LUZP2: variants seen among roughly 807,000 people sequenced by gnomAD.
LUZP2 encodes the protein leucine zipper protein 2.
LUZP2 carries 52 observed loss-of-function variants against 51.6 expected under a neutral mutation model. That is an observed-to-expected ratio of 1.01 (90% CI 0.81 to 1.27). LUZP2 has a LOEUF of 1.27. Among genes scored for constraint, LUZP2 ranks in the 50% most tolerant of loss-of-function variants. LUZP2 has a pLI of 0.00. For synonymous variants in LUZP2, 154 were observed against 137.3 expected (o/e 1.12, Z -0.85); for missense variants, 436 against 395.4 (o/e 1.10, Z -0.87).
chr11:24,987,345 A>G (rs1856216349), intron 9 of LUZP2, among the ~76,000 whole-genome samples: 1 of 151,926 alleles, frequency 6.6e-6, no homozygotes. Context: ...AGTATAGCAG[A>G]ATCCTTACAA....
At chr11:24,744,825 C>G (rs983375796) in intron 4 of LUZP2, among the ~76,000 whole-genome samples, 84 of 152,142 alleles carry the variant, frequency 5.5e-4, no homozygotes, top group African/African-American at 1.9e-3. Flanking sequence ...CTCTTTCAGT[C>G]TTTCTGATGT....
Position 24,497,162 on chromosome 11 carries a change from G to A in LUZP2, c.-82G>A. On this transcript the variant is annotated 5_prime_UTR_variant, in exon 1 of 12. Coordinates refer to ENST00000336930, the MANE Select transcript of LUZP2 (RefSeq NM_001009909.4). The stretch of plus-strand genomic sequence containing the variant: ...GAGCGCTCATCACTGGCTGGGGACA[G>A]AGCCGGGCACCAAGGAGCGACAGGA... The A allele has an allele frequency of 7.6e-7, 1 of 1,315,046 alleles. No individual in the cohort carries two copies. The highest frequency in any genetic ancestry group is 1.0e-6 in the Non-Finnish European group (1 of 969,898). 81.5% of individuals were successfully genotyped at this position (1,315,046 alleles called of 1,614,324 possible).
intron 5 of LUZP2, among the ~76,000 whole-genome samples, chr11:24,875,565 G>A (rs1298864911): frequency 2.7e-5 from 4 of 146,638 alleles, no homozygotes; most frequent in African/African-American, 7.6e-5. Context: ...ATAAACATAC[G>A]TGTGCATGTG....
At chr11:24,793,703 A>T (rs977844643) in intron 5 of LUZP2, among the ~76,000 whole-genome samples, 3 of 152,074 alleles carry the variant, frequency 2.0e-5, no homozygotes, top group African/African-American at 7.2e-5. Flanking sequence ...CAAGAAATAT[A>T]AGACAGTCAA....
At chr11:24,917,219 G>C (rs112473322) in intron 7 of LUZP2, among the ~76,000 whole-genome samples, 2 of 152,108 alleles carry the variant, frequency 1.3e-5, no homozygotes, top group Admixed American at 1.3e-4. Flanking sequence ...GTTCTTTGTA[G>C]ATTCTGAATA....
chr11:24,750,668 T>C (rs1859545539), intron 4 of LUZP2, among the ~76,000 whole-genome samples: 1 of 152,258 alleles, frequency 6.6e-6, no homozygotes, highest in Non-Finnish European at 1.5e-5. Flanking sequence ...TTTGGCAACT[T>C]TTTTTATGAG....
chr11:25,041,951 A>G (rs1024673278), intron 9 of LUZP2, among the ~76,000 whole-genome samples: 11 of 152,310 alleles, frequency 7.2e-5, no homozygotes, highest in Admixed American at 2.6e-4. Context: ...TGTGCTCTTT[A>G]TGAAAATCTA....
intron 5 of LUZP2, among the ~76,000 whole-genome samples, chr11:24,833,710 G>GCACA (rs140351361): frequency 0.02 from 2,880 of 141,446 alleles, 59 homozygotes; most frequent in East Asian, 0.069. Flanking sequence ...CACCGCGCGC[G>GCACA]CGCACACACA....
chr11:24,751,667 C>A, intron 4 of LUZP2: 1 of 636,456 alleles, frequency 1.6e-6, no homozygotes, highest in Non-Finnish European at 2.0e-6. Context: ...CCATCATTGG[C>A]CCTTTTCCTG....
chr11:24,578,226 G>C (rs1409994947), intron 1 of LUZP2, among the ~76,000 whole-genome samples: 1 of 151,862 alleles, frequency 6.6e-6, no homozygotes, highest in African/African-American at 2.4e-5. Context: ...AAATTAAGGA[G>C]CTTCTTCTTA....
chr11:24,603,062 G>C (rs1853799373), intron 1 of LUZP2, among the ~76,000 whole-genome samples: 1 of 151,628 alleles, frequency 6.6e-6, no homozygotes, highest in South Asian at 2.1e-4. Flanking sequence ...ATCTATTTTT[G>C]TATAGCTTCT....
intron 5 of LUZP2, among the ~76,000 whole-genome samples, chr11:24,854,314 C>G (rs546191329): frequency 1.2e-4 from 18 of 152,230 alleles, no homozygotes; most frequent in African/African-American, 4.3e-4. Context: ...CAGTGATGCC[C>G]TGGCCCAGAG....
intron 1 of LUZP2, among the ~76,000 whole-genome samples, chr11:24,558,392 A>C (rs185272671): frequency 1.3e-5 from 2 of 151,316 alleles, no homozygotes; most frequent in Non-Finnish European, 2.9e-5. Context: ...TTTTTTTCAT[A>C]TATCTCTATA....
intron 5 of LUZP2, among the ~76,000 whole-genome samples, chr11:24,875,561 A>T (rs1456621718): frequency 2.0e-5 from 3 of 146,778 alleles, no homozygotes; most frequent in Non-Finnish European, 4.5e-5. Flanking sequence ...CGCAATAAAC[A>T]TACGTGTGCA....
At chr11:24,998,589 AACTT>A (rs1313755108) in intron 9 of LUZP2, among the ~76,000 whole-genome samples, 1 of 152,182 alleles carries the variant, frequency 6.6e-6, no homozygotes, top group African/African-American at 2.4e-5. Context: ...ATTCAGGAAA[AACTT>A]AATGAAATAA....
chr11:24,665,669 A>G (rs977758916), intron 1 of LUZP2, among the ~76,000 whole-genome samples: 1 of 152,072 alleles, frequency 6.6e-6, no homozygotes, highest in Non-Finnish European at 1.5e-5. Context: ...GTTTTACACA[A>G]GGCTTCCCTC....
At chr11:25,070,079 T>A (rs982298145) in intron 10 of LUZP2, among the ~76,000 whole-genome samples, 1 of 151,782 alleles carries the variant, frequency 6.6e-6, no homozygotes, top group Non-Finnish European at 1.5e-5. Flanking sequence ...TTGAGCTGAG[T>A]GAGGACTAAA....
intron 10 of LUZP2, 25 bp from the exon 11 acceptor site, chr11:25,077,304 G>A (rs780958109): frequency 1.3e-6 from 2 of 1,559,270 alleles, no homozygotes; most frequent in Non-Finnish European, 1.8e-6. Context: ...CTTCATTGAT[G>A]TATTTTTAAT....
chr11:25,048,844 T>A (rs1457595159), intron 9 of LUZP2, among the ~76,000 whole-genome samples: 3 of 151,618 alleles, frequency 2.0e-5, no homozygotes, highest in Non-Finnish European at 2.9e-5. Flanking sequence ...TTAATTTATT[T>A]ATTTATTATT....
Sources: gnomAD v4.1 joint callset for allele counts (sites outside exome capture counted in the v4.1 genomes callset) on GRCh38, gnomAD v4.1.1 for gene constraint, MANE v1.5 for transcripts, NCBI Gene and HGNC (gene_info 2026-07-23, HGNC 2026-07-21) for gene names.